RSPH3: variants seen among roughly 807,000 people sequenced by gnomAD.
The protein encoded by RSPH3 is radial spoke head 3, also known as radial spoke head protein 3 homolog.
Under a neutral mutation model 43.8 loss-of-function variants are expected in RSPH3, and 21 were observed. The ratio of observed to expected loss-of-function variants is 0.48; its 90% CI spans 0.34 to 0.69. The LOEUF (loss-of-function observed/expected upper bound fraction) is 0.69. RSPH3 is among the 30% of genes least tolerant of loss of function. RSPH3 has a pLI of 0.01. For synonymous variants in RSPH3, 173 were observed against 179.8 expected (o/e 0.96, Z 0.30); for missense variants, 487 against 516.0 (o/e 0.94, Z 0.54).
chr6:158,992,235 A>G (rs1053772969), intron 2 of RSPH3, among the ~76,000 whole-genome samples: 1 of 151,888 alleles, frequency 6.6e-6, no homozygotes, highest in Non-Finnish European at 1.5e-5. Flanking sequence ...ACTCCGATTC[A>G]GGGCACACTG....
Position 158,980,803 on chromosome 6 carries a change from C to T in RSPH3, c.830G>A (p.Ser277Asn). The change falls in exon 6 of 8, where the codon AGT (serine) becomes AAT (asparagine). Residue 277 changes from serine (S) to asparagine (N), a missense_variant. Ser to Asn is a conservative substitution (Grantham distance 46). Transcript: ENST00000367069. ...TTCAATGGGATCATAAAAGTAGCCA[C>T]TATCCCTGAGGCTGCCAAAAACAGA... is the stretch of plus-strand genomic sequence containing the variant. The part of the protein sequence containing the change: ...LPSVFGSLRD[S>N]GYFYDPIERD... 1 of 1,614,016 alleles carries T rather than the reference C, an allele frequency of 6.2e-7. No homozygotes were observed. The highest frequency in any genetic ancestry group is 1.1e-5 in the South Asian group (1 of 91,074).
intron 2 of RSPH3, among the ~76,000 whole-genome samples, chr6:158,992,350 G>A (rs946349632): frequency 6.6e-6 from 1 of 151,962 alleles, no homozygotes; most frequent in Non-Finnish European, 1.5e-5. Context: ...TGTGATCACA[G>A]CTCACTGCAG....
chr6:158,990,903 G>C (rs1320627519), intron 2 of RSPH3, among the ~76,000 whole-genome samples: 11 of 98,340 alleles, frequency 1.1e-4, no homozygotes, highest in African/African-American at 3.8e-4. Context: ...TTTTTTTTTT[G>C]GTCTATTTTC....
At chr6:158,970,965 T>G (rs1287495867), downstream of RSPH3, among the ~76,000 whole-genome samples, 1 of 152,236 alleles carries the variant, frequency 6.6e-6, no homozygotes, top group African/African-American at 2.4e-5. Flanking sequence ...AAACAATTGC[T>G]GCTGCTTTTT....
chr6:158,985,377 A>C (rs1778193409), intron 3 of RSPH3, among the ~76,000 whole-genome samples: 1 of 152,222 alleles, frequency 6.6e-6, no homozygotes, highest in African/African-American at 2.4e-5. Flanking sequence ...ACAGTGATTC[A>C]TGTTGGGCTA....
chr6:158,982,025 T>C (rs1778047108), intron 5 of RSPH3, among the ~76,000 whole-genome samples: 1 of 152,174 alleles, frequency 6.6e-6, no homozygotes, highest in African/African-American at 2.4e-5. Flanking sequence ...ACCAAGGGTA[T>C]AAAGAAGGGC....
downstream of RSPH3, among the ~76,000 whole-genome samples, chr6:158,970,915 C>T (rs544094170): frequency 1.3e-5 from 2 of 152,024 alleles, no homozygotes; most frequent in Non-Finnish European, 2.9e-5. Context: ...TTTTTTTTTG[C>T]CAGTCTCTTA....
intron 2 of RSPH3, among the ~76,000 whole-genome samples, chr6:158,987,725 C>A (rs1238043089): frequency 6.6e-6 from 1 of 151,830 alleles, no homozygotes; most frequent in Non-Finnish European, 1.5e-5. Context: ...AGAACAGAAG[C>A]AAAGAAAAAA....
Position 158,999,332 on chromosome 6 carries a change from G to T in RSPH3, c.116+103C>A, listed in dbSNP as rs577985587. 1.1e-4 allele frequency: 122 copies of T among 1,077,106 alleles called. 1 individual carries two copies. The East Asian group carries it at 2.7e-3, about 24-fold the overall frequency. 66.7% of individuals were successfully genotyped at this position (1,077,106 alleles called of 1,614,324 possible). ...TTATTTCGGCAGAGTGCAGCCAAGG[G>T]AAGACAGCATAAGCAGCTTTTTTGC... On this transcript the variant is annotated intron_variant, in intron 1 of 7. Coordinates refer to ENST00000367069, the MANE Select transcript of RSPH3 (RefSeq NM_031924.8).
At chr6:158,970,407 A>G (rs994174259), downstream of RSPH3, among the ~76,000 whole-genome samples, 8 of 152,158 alleles carry the variant, frequency 5.3e-5, no homozygotes, top group African/African-American at 1.9e-4. Flanking sequence ...GCTCTGTCTT[A>G]GCTTTCAATT....
intron 3 of RSPH3, among the ~76,000 whole-genome samples, chr6:158,985,888 A>G (rs1391271717): frequency 1.4e-5 from 2 of 139,700 alleles, no homozygotes; most frequent in Admixed American, 1.6e-4. Context: ...ATCTCGGCTT[A>G]CTGCAACCTC....
chr6:158,996,716 T>G (rs745862049), intron 1 of RSPH3, among the ~76,000 whole-genome samples: 7 of 152,216 alleles, frequency 4.6e-5, no homozygotes, highest in Non-Finnish European at 1.0e-4. Flanking sequence ...CTAAACGACA[T>G]TCTAGGATAG....
chr6:158,995,681 G>A (rs1406442638), intron 1 of RSPH3, among the ~76,000 whole-genome samples: 6 of 152,060 alleles, frequency 3.9e-5, no homozygotes, highest in South Asian at 4.2e-4. Flanking sequence ...TGCAAGCTCC[G>A]CCTCCTGGGT....
chr6:158,966,763 A>C, the RSPH3 span, among the ~76,000 whole-genome samples: 3 of 151,802 alleles, frequency 2.0e-5, no homozygotes, highest in Admixed American at 2.0e-4. Context: ...TGCAAAAAAA[A>C]ACCAAATTTG....
At chr6:158,991,016 G>C (rs1778387888) in intron 2 of RSPH3, among the ~76,000 whole-genome samples, 1 of 151,726 alleles carries the variant, frequency 6.6e-6, no homozygotes, top group African/African-American at 2.4e-5. Flanking sequence ...CATCCAGTGA[G>C]TTTATTTTAG....
chr6:158,970,506 T>C (rs1286632594), downstream of RSPH3, among the ~76,000 whole-genome samples: 1 of 152,182 alleles, frequency 6.6e-6, no homozygotes, highest in Admixed American at 6.5e-5. Context: ...GTCCTACACA[T>C]GTACCCTATA....
the RSPH3 span, among the ~76,000 whole-genome samples, chr6:158,963,768 C>A: frequency 6.6e-6 from 1 of 151,734 alleles, no homozygotes; most frequent in Non-Finnish European, 1.5e-5. Context: ...TTACAAAATT[C>A]TTTTGTAGAG....
chr6:158,983,450 T>C (rs1173767942), intron 4 of RSPH3, among the ~76,000 whole-genome samples: 1 of 152,238 alleles, frequency 6.6e-6, no homozygotes, highest in Non-Finnish European at 1.5e-5. Flanking sequence ...TTTCAAATGA[T>C]TTTGTTTTTA....
intron 2 of RSPH3, among the ~76,000 whole-genome samples, chr6:158,990,866 T>A (rs1778379823): frequency 6.6e-6 from 1 of 151,166 alleles, no homozygotes; most frequent in Non-Finnish European, 1.5e-5. Flanking sequence ...TCTTTGTGAT[T>A]GTTCTTCAGC....
Sources: gnomAD v4.1 joint callset for allele counts (sites outside exome capture counted in the v4.1 genomes callset) on GRCh38, gnomAD v4.1.1 for gene constraint, MANE v1.5 for transcripts, NCBI Gene and HGNC (gene_info 2026-07-23, HGNC 2026-07-21) for gene names.